Variants in UNC5C observed in about 807,000 individuals in gnomAD.
UNC5C encodes unc-5 netrin receptor C, also known as netrin receptor UNC5C.
In UNC5C, 47 loss-of-function variants were observed where a neutral mutation model predicts 99.8. The ratio of observed to expected loss-of-function variants is 0.47; its 90% CI spans 0.37 to 0.60. UNC5C has a LOEUF of 0.60. Ranked by LOEUF, UNC5C falls within the 20% of genes least tolerant of loss-of-function variation. The pLI is 0.00. For missense variants in UNC5C, 1,062 were observed against 1,165.9 expected (o/e 0.91, Z 1.30); for synonymous variants, 487 against 452.2 (o/e 1.08, Z -0.98).
intron 1 of UNC5C, among the ~76,000 whole-genome samples, chr4:95,473,447 A>G (rs754267810): frequency 6.6e-6 from 1 of 152,050 alleles, no homozygotes; most frequent in Non-Finnish European, 1.5e-5. Flanking sequence ...TTTTATGAAC[A>G]ATGTGTTGTA....
At chr4:95,172,065 C>T (rs1250510945) in intron 14 of UNC5C, among the ~76,000 whole-genome samples, 435 of 139,722 alleles carry the variant, frequency 3.1e-3, no homozygotes, top group African/African-American at 9.2e-3. Context: ...TCATGTCCTT[C>T]GCCCACTTTT....
chr4:95,383,719 A>G (rs1367856729), intron 1 of UNC5C, among the ~76,000 whole-genome samples: 2 of 152,226 alleles, frequency 1.3e-5, no homozygotes, highest in African/African-American at 4.8e-5. Flanking sequence ...TGCATTCAAG[A>G]CAAGACCAAA....
At chr4:95,176,716 A>C (rs1340814785) in intron 14 of UNC5C, among the ~76,000 whole-genome samples, 1 of 152,244 alleles carries the variant, frequency 6.6e-6, no homozygotes, top group Non-Finnish European at 1.5e-5. Flanking sequence ...CCCTGCCCCC[A>C]GAGGTGGAGC....
chr4:95,461,004 T>C (rs1747584195), intron 1 of UNC5C, among the ~76,000 whole-genome samples: 1 of 152,224 alleles, frequency 6.6e-6, no homozygotes, highest in Non-Finnish European at 1.5e-5. Flanking sequence ...CAATGGATGG[T>C]TTAAAATATT....
chr4:95,448,223 T>TGA (rs1355886184), intron 1 of UNC5C, among the ~76,000 whole-genome samples: 17 of 108,056 alleles, frequency 1.6e-4, no homozygotes, highest in African/African-American at 5.5e-4. Flanking sequence ...TGTGTGTGTG[T>TGA]GTGTGAGAGA....
At chr4:95,278,155 T>A in intron 4 of UNC5C, 104 bp downstream of exon 4, 1 of 932,250 alleles carries the variant, frequency 1.1e-6, no homozygotes, top group South Asian at 1.4e-5. Context: ...TACCAACCAT[T>A]CATCATGCCA....
chr4:95,260,895 T>C (rs1243276507), intron 4 of UNC5C, among the ~76,000 whole-genome samples: 1 of 152,146 alleles, frequency 6.6e-6, no homozygotes, highest in African/African-American at 2.4e-5. Flanking sequence ...CGAGGTGCTT[T>C]GTACTTAGTG....
At chr4:95,236,227 A>G (rs13119920) in intron 7 of UNC5C, among the ~76,000 whole-genome samples, 66,024 of 151,856 alleles carry the variant, frequency 0.43, 14,616 homozygotes, top group East Asian at 0.59. Context: ...AATGTGGCAC[A>G]TATACACCAT....
intron 1 of UNC5C, among the ~76,000 whole-genome samples, chr4:95,335,960 T>C (rs1743321483): frequency 6.6e-6 from 1 of 151,862 alleles, no homozygotes; most frequent in Non-Finnish European, 1.5e-5. Flanking sequence ...ACATTTCCCA[T>C]TATAGAGTGT....
chr4:95,432,488 C>T (rs140075548), intron 1 of UNC5C, among the ~76,000 whole-genome samples: 16 of 152,114 alleles, frequency 1.1e-4, no homozygotes, highest in East Asian at 9.7e-4. Context: ...TTGATTTTGG[C>T]GTTTTGCCTA....
chr4:95,221,292 C>T (rs1274025466), intron 7 of UNC5C, among the ~76,000 whole-genome samples: 1 of 152,114 alleles, frequency 6.6e-6, no homozygotes, highest in Non-Finnish European at 1.5e-5. Flanking sequence ...TTCAGGTAGT[C>T]GAGAACAACC....
chr4:95,308,653 T>C (rs1360912094), intron 2 of UNC5C, among the ~76,000 whole-genome samples: 2 of 140,488 alleles, frequency 1.4e-5, no homozygotes, highest in East Asian at 4.7e-4. Context: ...CTTGGGAGGC[T>C]GAGGCAGAGA....
rs1180391405 is a variant in UNC5C, at chr4:95,206,662, A to G, written c.1868T>C (p.Leu623Pro). The G allele has an allele frequency of 1.9e-6, 3 of 1,614,062 alleles. No individual in the cohort carries two copies. The highest frequency in any genetic ancestry group is 2.5e-6 in the Non-Finnish European group (3 of 1,180,040). The change falls in exon 11 of 16, where the codon CTG (leucine) becomes CCG (proline). Residue 623 changes from leucine to proline, a missense_variant. Coordinates refer to ENST00000453304, the MANE Select transcript of UNC5C (RefSeq NM_003728.4). ...ADPNTEDWKI[L>P]LKNQAAQGQW... ...TCCCTGTGCTGCCTGGTTCTTGAGC[A>G]GTATTTTCCAGTCCTCGGTATTGGG...
chr4:95,342,168 T>C (rs77341046), intron 1 of UNC5C, among the ~76,000 whole-genome samples: 2 of 152,228 alleles, frequency 1.3e-5, no homozygotes, highest in African/African-American at 4.8e-5. Context: ...CCTAGTGAGA[T>C]ACCAGCCAGG....
chr4:95,546,100 C>T (rs1723055124), intron 1 of UNC5C, among the ~76,000 whole-genome samples: 1 of 152,198 alleles, frequency 6.6e-6, no homozygotes, highest in South Asian at 2.1e-4. Context: ...AGTACTTCAG[C>T]AACAGAATAA....
intron 1 of UNC5C, among the ~76,000 whole-genome samples, chr4:95,506,445 G>C (rs1016613302): frequency 1.3e-5 from 2 of 151,942 alleles, no homozygotes; most frequent in Non-Finnish European, 1.5e-5. Flanking sequence ...TTTGGCTCTA[G>C]GTGATAGTGA....
chr4:95,191,305 C>T (rs552110013), intron 12 of UNC5C, among the ~76,000 whole-genome samples: 2 of 152,316 alleles, frequency 1.3e-5, no homozygotes, highest in South Asian at 2.1e-4. Flanking sequence ...ATCAGGCTTA[C>T]AGCTATTGCT....
At chr4:95,239,201 C>T (rs2149376968) in intron 7 of UNC5C, among the ~76,000 whole-genome samples, 1 of 152,290 alleles carries the variant, frequency 6.6e-6, no homozygotes, top group East Asian at 1.9e-4. Flanking sequence ...GCTGTTTGCT[C>T]TGCTGGTGTC....
intron 5 of UNC5C, among the ~76,000 whole-genome samples, chr4:95,247,214 A>T (rs1739534829): frequency 6.6e-6 from 1 of 152,134 alleles, no homozygotes; most frequent in Non-Finnish European, 1.5e-5. Context: ...TTACATTAAC[A>T]AAAAATATAT....
Sources: gnomAD v4.1 joint callset for allele counts (sites outside exome capture counted in the v4.1 genomes callset) on GRCh38, gnomAD v4.1.1 for gene constraint, MANE v1.5 for transcripts, NCBI Gene and HGNC (gene_info 2026-07-23, HGNC 2026-07-21) for gene names.